The following ALK variants were observed in gnomAD, a reference collection of about 807,000 sequenced individuals.
ALK encodes ALK tyrosine kinase receptor.
A neutral mutation model predicts 163.1 loss-of-function variants in ALK; 74 were observed. That is an observed-to-expected ratio of 0.45 (90% CI 0.38 to 0.55). ALK has a LOEUF of 0.55. ALK is among the 20% of genes least tolerant of loss of function. The probability of loss-of-function intolerance (pLI) is 0.00; values close to 1 mark genes in which losing one functional copy is unlikely to be tolerated. For synonymous variants in ALK, 960 were observed against 843.2 expected (o/e 1.14, Z -2.40); for missense variants, 2,063 against 2,105.3 (o/e 0.98, Z 0.39).
intron 8 of ALK, among the ~76,000 whole-genome samples, chr2:29,302,923 G>A (rs1666409982): frequency 6.6e-6 from 1 of 152,122 alleles, no homozygotes; most frequent in South Asian, 2.1e-4. Flanking sequence ...AAAAATCCTA[G>A]AAGAAAACCT....
chr2:29,340,932 T>G (rs983642163), intron 5 of ALK, among the ~76,000 whole-genome samples: 2 of 152,178 alleles, frequency 1.3e-5, no homozygotes, highest in African/African-American at 4.8e-5. Context: ...TTCTTATTAG[T>G]GTTGTTGGTA....
chr2:29,627,671 A>T (rs1318748844), intron 3 of ALK, among the ~76,000 whole-genome samples: 1 of 152,102 alleles, frequency 6.6e-6, no homozygotes, highest in African/African-American at 2.4e-5. Flanking sequence ...CTTGAAGGGG[A>T]GATGGGGGTG....
intron 5 of ALK, among the ~76,000 whole-genome samples, chr2:29,383,093 G>C (rs1668942437): frequency 6.6e-6 from 1 of 152,082 alleles, no homozygotes; most frequent in East Asian, 1.9e-4. Flanking sequence ...AGGTCTGGGA[G>C]TGCCTCAGGC....
At position 29,220,794 on chromosome 2, in the gene ALK, C is replaced by T. The variant is rs755576991; in HGVS notation, c.3557G>A (p.Ser1186Asn). Reference protein sequence around the residue: ...HQNIVRCIGVSLQSLPRFILL... With the variant: ...HQNIVRCIGVNLQSLPRFILL... ...GATGAACCGGGGCAGGGATTGCAGG[C>T]TCACCCCAATGCAGCGAACAATGTT... The change falls in exon 23 of 29, where the codon AGC becomes AAC. Residue 1186 changes from serine (S) to asparagine (N), a missense_variant. Ser to Asn is a conservative substitution (Grantham distance 46). Around this residue, in one of 5 missense-constraint regions of ALK, gnomAD observed 575 missense variants for 626.6 expected, o/e 0.92. Coordinates refer to ENST00000389048, the MANE Select transcript of ALK (RefSeq NM_004304.5). 1 of 1,614,148 alleles carries T rather than the reference C, an allele frequency of 6.2e-7. No homozygotes were observed. Among genetic ancestry groups the T allele is most frequent in the Non-Finnish European group, 8.5e-7 (1 of 1,179,980 alleles).
intron 15 of ALK, 102 bp from the exon 16 acceptor site, chr2:29,229,168 A>ACCAGCT: frequency 1.9e-6 from 2 of 1,044,126 alleles, no homozygotes; most frequent in Admixed American, 3.8e-5. Flanking sequence ...GGGCGCCCGC[A>ACCAGCT]CCAGCTCCAG....
intron 2 of ALK, among the ~76,000 whole-genome samples, chr2:29,711,814 T>C (rs767021491): frequency 2.0e-4 from 30 of 152,310 alleles, no homozygotes; most frequent in Non-Finnish European, 2.5e-4. Context: ...TCTCTCTCTG[T>C]CTCTGTCCCC....
chr2:29,494,928 A>G (rs1378322734), intron 4 of ALK, among the ~76,000 whole-genome samples: 1 of 151,910 alleles, frequency 6.6e-6, no homozygotes, highest in African/African-American at 2.4e-5. Context: ...ATTAGACCTC[A>G]GAAGGGACTA....
rs532192049 is a variant in ALK at position 29,632,794 on chromosome 2, C to T, written c.952+62056G>A. Among the ~76,000 whole-genome samples, 6 of 152,302 alleles carry T rather than the reference C, an allele frequency of 3.9e-5. No homozygotes were observed. The South Asian group carries it at 1.2e-3, about 32-fold the overall frequency. ...TGGTGGAAGGCAAGGAGGAGCAAGT[C>T]ACATCTTATGTGGATGGTGGCAGGC... On this transcript the variant is annotated intron_variant, in intron 3 of 28. Transcript: ENST00000389048.
At chr2:29,205,206 T>C (rs781721364) in intron 26 of ALK, among the ~76,000 whole-genome samples, 1 of 152,278 alleles carries the variant, frequency 6.6e-6, no homozygotes, top group Admixed American at 6.5e-5. Context: ...TCCTAAACTT[T>C]CTACATGTTT....
chr2:29,245,921 G>C (rs868246467), intron 12 of ALK, among the ~76,000 whole-genome samples: 1 of 152,228 alleles, frequency 6.6e-6, no homozygotes, highest in Non-Finnish European at 1.5e-5. Flanking sequence ...GGCGTTGTCC[G>C]GCTGCACACG....
intron 3 of ALK, among the ~76,000 whole-genome samples, chr2:29,680,385 T>C (rs1371592216): frequency 6.6e-6 from 1 of 152,122 alleles, no homozygotes; most frequent in Non-Finnish European, 1.5e-5. Context: ...TTTTTCTCTC[T>C]GTTCTTTAGG....
intron 4 of ALK, among the ~76,000 whole-genome samples, chr2:29,404,692 A>T (rs1669537934): frequency 6.6e-6 from 1 of 152,254 alleles, no homozygotes; most frequent in South Asian, 2.1e-4. Flanking sequence ...GACAGAGATG[A>T]TGAGACAGTC....
At chr2:29,846,288 G>A (rs1046664127) in intron 1 of ALK, among the ~76,000 whole-genome samples, 1 of 152,132 alleles carries the variant, frequency 6.6e-6, no homozygotes, top group Non-Finnish European at 1.5e-5. Context: ...ACGCTGACTG[G>A]CTCCTTTATT....
intron 1 of ALK, among the ~76,000 whole-genome samples, chr2:29,733,735 G>A (rs897621042): frequency 6.6e-6 from 1 of 152,182 alleles, no homozygotes; most frequent in African/African-American, 2.4e-5. Flanking sequence ...TCAGGGAAGA[G>A]TCATGTGATC....
intron 3 of ALK, among the ~76,000 whole-genome samples, chr2:29,562,492 C>T (rs1306804342): frequency 6.6e-6 from 1 of 152,188 alleles, no homozygotes; most frequent in Admixed American, 6.5e-5. Context: ...TCCAAATGCT[C>T]ACCCTCCAGA....
chr2:29,781,786 T>G (rs1681337159), intron 1 of ALK, among the ~76,000 whole-genome samples: 1 of 152,200 alleles, frequency 6.6e-6, no homozygotes, highest in Admixed American at 6.5e-5. Context: ...AAATTCTCCA[T>G]GGGCTGTCTT....
chr2:29,720,980 C>T (rs543595049), intron 1 of ALK, among the ~76,000 whole-genome samples: 16 of 151,926 alleles, frequency 1.1e-4, no homozygotes, highest in South Asian at 2.1e-4. Context: ...GGAGATGAAA[C>T]GTAGATGAGA....
intron 2 of ALK, among the ~76,000 whole-genome samples, chr2:29,701,159 C>T (rs1678721446): frequency 6.6e-6 from 1 of 152,238 alleles, no homozygotes; most frequent in Non-Finnish European, 1.5e-5. Flanking sequence ...GAATATCTAA[C>T]AATGCTCCTT....
intron 5 of ALK, among the ~76,000 whole-genome samples, chr2:29,354,547 G>A (rs962079818): frequency 6.6e-6 from 1 of 151,006 alleles, no homozygotes; most frequent in East Asian, 2.0e-4. Context: ...TCGTGCACCG[G>A]AGACCATCCT....
Sources: allele counts gnomAD v4.1 joint callset (sites outside exome capture counted in the v4.1 genomes callset), GRCh38; gene constraint gnomAD v4.1.1; regional missense constraint gnomAD v4.1.1; transcripts MANE v1.5; gene names NCBI Gene and HGNC (gene_info 2026-07-23, HGNC 2026-07-21).